MEAF6: variants seen among roughly 807,000 people sequenced by gnomAD.
MEAF6 encodes the protein chromatin modification-related protein MEAF6.
MEAF6 carries 15 observed loss-of-function variants against 28.9 expected under a neutral mutation model. The ratio of observed to expected loss-of-function variants is 0.52; its 90% CI spans 0.35 to 0.80. The LOEUF is 0.80. Ranked by LOEUF, MEAF6 falls within the 30% of genes least tolerant of loss-of-function variation. MEAF6 has a pLI of 0.01. For missense variants in MEAF6, 178 were observed against 237.5 expected (o/e 0.75, Z 1.65); for synonymous variants, 97 against 88.7 (o/e 1.09, Z -0.53).
In MEAF6 at chr1:37,513,722, G is replaced by A. The variant is rs985420765; in HGVS notation, c.91-184C>T. 1.3e-5 allele frequency: 8 copies of A among 605,124 alleles called. No homozygotes were observed. The African/African-American group carries it at 1.5e-4, about 11-fold the overall frequency. 37.5% of individuals were successfully genotyped at this position (605,124 alleles called of 1,614,324 possible). A position where few individuals can be genotyped will look rare whatever the true frequency, so the allele number is the denominator to read the frequency against. On this transcript the variant is annotated intron_variant, in intron 1 of 6. Coordinates refer to ENST00000296214, the MANE Select transcript of MEAF6 (RefSeq NM_001270875.3). Reference sequence around the variant, plus strand: ...GGACTAAGACAGTCTAGACCTTTGGGGGTGATGGACCCCTGAATGTATAAA... The same window carrying A: ...GGACTAAGACAGTCTAGACCTTTGGAGGTGATGGACCCCTGAATGTATAAA...
rs1642590552 is a variant in MEAF6, at chr1:37,509,379, T to G, written c.295-56A>C. 8 of 1,604,554 alleles carry G rather than the reference T, an allele frequency of 5.0e-6. No homozygotes were observed. The Admixed American group carries it at 1.3e-4, about 27-fold the overall frequency. ...GTGACCACAGACCTCAGAAGAGCAC[T>G]CCCAGAGGAAGGTAAAGAAAAAACA... On this transcript the variant is annotated intron_variant, in intron 3 of 6. Coordinates refer to ENST00000296214, the MANE Select transcript of MEAF6 (RefSeq NM_001270875.3).
chr1:37,509,946 T>A (rs184704678), intron 2 of MEAF6, among the ~76,000 whole-genome samples: 96 of 152,030 alleles, frequency 6.3e-4, no homozygotes, highest in Admixed American at 1.1e-3. Context: ...CTGGCAAATT[T>A]TTGTATTTTT....
intron 4 of MEAF6, among the ~76,000 whole-genome samples, chr1:37,503,856 G>A (rs1022567619): frequency 2.6e-5 from 4 of 152,100 alleles, no homozygotes; most frequent in Non-Finnish European, 4.4e-5. Flanking sequence ...AGCTATTCAA[G>A]GCTGAGGCAG....
Position 37,509,448 on chromosome 1 carries a change from T to C in MEAF6, c.294+7A>G, listed in dbSNP as rs767666385. 7 of 1,613,222 alleles carry C rather than the reference T, an allele frequency of 4.3e-6. No individual in the cohort carries two copies. The Admixed American group carries it at 6.7e-5, about 15-fold the overall frequency. ...CAAAGAAAGATTCCCCCACCACCAC[T>C]ACTTACAGCTGCTGAGGTAACCGAG... On this transcript the variant is annotated splice_region_variant and intron_variant, in intron 3 of 6. Transcript: ENST00000296214.
Position 37,490,268 on chromosome 1 carries a change from G to A in MEAF6, c.*3831C>T, listed in dbSNP as rs141249302. Among the ~76,000 whole-genome samples the A allele has an allele frequency of 6.5e-3, 986 of 151,618 alleles. 7 individuals carry two copies. Among genetic ancestry groups the A allele is most frequent in the Middle Eastern group, 0.021 (6 of 292 alleles). ...TTAGTGGTGACAACTTTTAATCCAC[G>A]GAAGCAGTTTTTCAAAGTGAAAACT... On this transcript the variant is annotated 3_prime_UTR_variant, in exon 7 of 7. Transcript: ENST00000296214.
intron 5 of MEAF6, 143 bp from the exon 6 acceptor site, chr1:37,496,061 T>C: frequency 5.8e-6 from 4 of 695,652 alleles, no homozygotes; most frequent in Non-Finnish European, 9.8e-6. Flanking sequence ...ATGTCATATT[T>C]AGTTGTTTAC....
intron 5 of MEAF6, among the ~76,000 whole-genome samples, chr1:37,497,465 A>C (rs1188550581): frequency 1.3e-5 from 2 of 152,200 alleles, no homozygotes; most frequent in Non-Finnish European, 2.9e-5. Context: ...CAGTGGTGGA[A>C]CCTTGTTCCA....
At chr1:37,513,658 T>C in intron 1 of MEAF6, 120 bp from the exon 2 acceptor site, 3 of 762,936 alleles carry the variant, frequency 3.9e-6, no homozygotes, top group Non-Finnish European at 6.9e-6. Context: ...TAAACCACCC[T>C]GTGGAGAGAT....
In MEAF6 at chr1:37,492,810, T is replaced by C. The variant is rs1401307600; in HGVS notation, c.*1289A>G. 6.6e-6 allele frequency: 1 copy of C among 152,518 alleles called. No homozygotes were observed. Among genetic ancestry groups the C allele is most frequent in the Non-Finnish European group, 1.5e-5 (1 of 68,044 alleles). The allele number at this position is 152,518 out of a possible 1,614,324, so 9.4% of individuals were successfully genotyped here. A position where few individuals can be genotyped will look rare whatever the true frequency, so the allele number is the denominator to read the frequency against. ...CTTAGACCAATCATAACATAGGATG[T>C]AAATTAAACCATTCAGTCTTCTAAT... On this transcript the variant is annotated 3_prime_UTR_variant, in exon 7 of 7. Transcript: ENST00000296214.
intron 4 of MEAF6, among the ~76,000 whole-genome samples, chr1:37,506,517 G>A (rs968898863): frequency 6.6e-5 from 10 of 151,994 alleles, no homozygotes; most frequent in Non-Finnish European, 1.3e-4. Flanking sequence ...GGCTACAGGT[G>A]TGTGCCACCA....
intron 6 of MEAF6, 63 bp from the exon 7 acceptor site, chr1:37,494,170 G>GAA: frequency 3.0e-6 from 4 of 1,327,458 alleles, no homozygotes; most frequent in Non-Finnish European, 4.2e-6. Context: ...GACCCTAAAG[G>GAA]AAAAAAAAAA....
chr1:37,510,972 G>C (rs1266500439), intron 2 of MEAF6, among the ~76,000 whole-genome samples: 1 of 152,076 alleles, frequency 6.6e-6, no homozygotes, highest in Middle Eastern at 3.4e-3. Flanking sequence ...CACTCGCCTC[G>C]GCCTCCCAAA....
intron 4 of MEAF6, among the ~76,000 whole-genome samples, chr1:37,508,929 T>C (rs1426810716): frequency 6.6e-6 from 1 of 152,194 alleles, no homozygotes; most frequent in East Asian, 1.9e-4. Flanking sequence ...AGACTCTGTC[T>C]CTTTAAAAAA....
At chr1:37,495,710 A>AC (rs376613218) in intron 6 of MEAF6, among the ~76,000 whole-genome samples, 175 bp downstream of exon 6, 41 of 134,150 alleles carry the variant, frequency 3.1e-4, no homozygotes, top group African/African-American at 9.9e-4. Context: ...AAAACAAAAA[A>AC]AAAAAAAAAC....
chr1:37,513,449 G>A lies in MEAF6; in HGVS notation c.180C>T (p.Gly60=), dbSNP rs1642731391. ...DTQMYGNIIR[G]WDRYLTNQKN... ...TTTGGTTGGTCAGATACCGATCCCAGCCACGAATAATATTGCCATACATCT... is the reference window on the plus strand; with the variant it reads ...TTTGGTTGGTCAGATACCGATCCCAACCACGAATAATATTGCCATACATCT... The change falls in exon 2 of 7, where the codon GGC becomes GGT. Residue 60 remains glycine, a synonymous_variant. Transcript: ENST00000296214. 1.2e-6 allele frequency: 2 copies of A among 1,614,012 alleles called. No homozygotes were observed. The highest frequency in any genetic ancestry group is 2.2e-5 in the South Asian group (2 of 91,078).
At chr1:37,508,582 G>A (rs938158858) in intron 4 of MEAF6, among the ~76,000 whole-genome samples, 3 of 152,022 alleles carry the variant, frequency 2.0e-5, no homozygotes, top group South Asian at 2.1e-4. Context: ...ACTGCACTGG[G>A]CCAAGATGAA....
chr1:37,506,009 A>C (rs537508893), intron 4 of MEAF6, among the ~76,000 whole-genome samples: 2 of 152,358 alleles, frequency 1.3e-5, no homozygotes, highest in South Asian at 4.1e-4. Flanking sequence ...GCAGTGGCTC[A>C]AGCCTGTAAT....
intron 5 of MEAF6, chr1:37,496,685 T>C: frequency 6.3e-7 from 1 of 1,586,660 alleles, no homozygotes; most frequent in Non-Finnish European, 8.6e-7. Flanking sequence ...ACAGCACAAA[T>C]ACTAATTCAA....
chr1:37,494,170 GAA>G, intron 6 of MEAF6, 63 bp from the exon 7 acceptor site: 2 of 1,327,458 alleles, frequency 1.5e-6, no homozygotes, highest in Non-Finnish European at 2.1e-6. Flanking sequence ...GACCCTAAAG[GAA>G]AAAAAAAATC....
Sources: gnomAD v4.1 joint callset for allele counts (sites outside exome capture counted in the v4.1 genomes callset) on GRCh38, gnomAD v4.1.1 for gene constraint, MANE v1.5 for transcripts, NCBI Gene and HGNC (gene_info 2026-07-23, HGNC 2026-07-21) for gene names.